Variants in PLEKHA3 observed in about 807,000 individuals in gnomAD.
PLEKHA3 encodes the protein pleckstrin homology domain containing A3.
Under a neutral mutation model 39.2 loss-of-function variants are expected in PLEKHA3, and 19 were observed. That is an observed-to-expected ratio of 0.48 (90% confidence interval 0.34 to 0.71). The LOEUF (loss-of-function observed/expected upper bound fraction) is 0.71, where lower values mean the gene tolerates loss of function less well. Among genes scored for constraint, PLEKHA3 ranks in the 30% least tolerant of loss-of-function variants. PLEKHA3 has a pLI of 0.01. For synonymous variants in PLEKHA3, 97 were observed against 118.6 expected (o/e 0.82, Z 1.18); for missense variants, 253 against 359.5 (o/e 0.70, Z 2.40).
intron 2 of PLEKHA3, 140 bp downstream of exon 2, chr2:178,485,897 G>A: frequency 8.7e-6 from 5 of 576,068 alleles, no homozygotes; most frequent in Non-Finnish European, 3.1e-6. Context: ...GTCAGGAGTG[G>A]CATTTCATCA....
chr2:178,482,565 A>C (rs1285161096), intron 1 of PLEKHA3, among the ~76,000 whole-genome samples: 1 of 151,418 alleles, frequency 6.6e-6, no homozygotes, highest in African/African-American at 2.4e-5. Flanking sequence ...AAAAAAAAAA[A>C]AAAAAAGACA....
chr2:178,502,549 A>C (rs1216755585), intron 7 of PLEKHA3: 3 of 178,848 alleles, frequency 1.7e-5, no homozygotes, highest in African/African-American at 4.8e-5. Context: ...TCCAGAGTTC[A>C]TGAAGGAGTT....
At chr2:178,502,323 A>G in intron 7 of PLEKHA3, 1 of 400,424 alleles carries the variant, frequency 2.5e-6, no homozygotes, top group Non-Finnish European at 5.0e-6. Context: ...TAACATTTTG[A>G]ATTTAAATTG....
In PLEKHA3 at chr2:178,506,401, A is replaced by G. The variant is rs1685601048; in HGVS notation, c.*2514A>G. On this transcript the variant is annotated 3_prime_UTR_variant, in exon 8 of 8. Coordinates refer to ENST00000234453, the MANE Select transcript of PLEKHA3 (RefSeq NM_019091.4). ...ATACAATTCTTTTATAAATGAGCTG[A>G]ATTTGAATTTTCTTACATCATATGG... 1.3e-5 allele frequency: 2 copies of G among 152,170 alleles called. No individual in the cohort carries two copies. Among genetic ancestry groups the G allele is most frequent in the African/African-American group, 4.8e-5 (2 of 41,446 alleles). The allele number at this position is 152,170 out of a possible 1,614,324, so 9.4% of individuals were successfully genotyped here.
At chr2:178,501,032 C>T (rs747696576) in intron 6 of PLEKHA3, 29 bp from the exon 7 acceptor site, 26 of 1,464,940 alleles carry the variant, frequency 1.8e-5, no homozygotes, top group Middle Eastern at 1.8e-4. Flanking sequence ...TAAGGCCTTA[C>T]AATTTAATGC....
intron 5 of PLEKHA3, among the ~76,000 whole-genome samples, chr2:178,496,076 T>C (rs753161286): frequency 8.5e-5 from 13 of 152,222 alleles, no homozygotes; most frequent in Non-Finnish European, 1.3e-4. Context: ...TTGAAACATA[T>C]TCCGGTGGGA....
intron 2 of PLEKHA3, among the ~76,000 whole-genome samples, chr2:178,489,314 C>G (rs1472563692): frequency 6.6e-6 from 1 of 152,168 alleles, no homozygotes; most frequent in African/African-American, 2.4e-5. Flanking sequence ...CCATAATACA[C>G]TAAACATCTG....
At position 178,510,328 on chromosome 2, in the gene PLEKHA3, T is replaced by C. The variant is rs1362489422; in HGVS notation, c.*6441T>C. The C allele has an allele frequency of 6.5e-6, 1 of 153,796 alleles. No individual in the cohort carries two copies. Among genetic ancestry groups the C allele is most frequent in the Non-Finnish European group, 1.5e-5 (1 of 68,044 alleles). 9.5% of individuals were successfully genotyped at this position (153,796 alleles called of 1,614,324 possible). ...ATTTTGATGTGCTTTTAAGCTTTAT[T>C]GGTATTATATTTTGTTTTTATCATA... On this transcript the variant is annotated 3_prime_UTR_variant, in exon 8 of 8. Coordinates refer to ENST00000234453, the MANE Select transcript of PLEKHA3 (RefSeq NM_019091.4).
chr2:178,496,639 A>G (rs1270669395), intron 5 of PLEKHA3, among the ~76,000 whole-genome samples: 2 of 152,180 alleles, frequency 1.3e-5, no homozygotes, highest in Non-Finnish European at 2.9e-5. Context: ...TGGCCAGATT[A>G]ATTTGGGAAT....
Position 178,485,719 on chromosome 2 carries a change from G to A in PLEKHA3, c.119G>A (p.Ser40Asn). The A allele has an allele frequency of 6.2e-7, 1 of 1,613,702 alleles. No homozygotes were observed. The highest frequency in any genetic ancestry group is 8.5e-7 in the Non-Finnish European group (1 of 1,179,730). Residue 40 changes from serine (S) to asparagine (N), a missense_variant, in exon 2 of 8, where the codon AGC becomes AAC. Physicochemically the swap from Ser to Asn is conservative, Grantham distance 46. Around this residue, in one of 2 missense-constraint regions of PLEKHA3, gnomAD observed 126 missense variants for 222.7 expected, o/e 0.57. Transcript: ENST00000234453. ...YDSQDDVCKG[S>N]KGSIKMAVCE... ...TCACAAGATGATGTTTGCAAAGGGAGCAAAGGAAGCATAAAGATGGCAGTT... is the reference window on the plus strand; with the variant it reads ...TCACAAGATGATGTTTGCAAAGGGAACAAAGGAAGCATAAAGATGGCAGTT...
At position 178,505,248 on chromosome 2, in the gene PLEKHA3, A is replaced by G. The variant is rs1685586606; in HGVS notation, c.*1361A>G. 1 of 151,946 alleles carries G rather than the reference A, an allele frequency of 6.6e-6. No individual in the cohort carries two copies. Among genetic ancestry groups the G allele is most frequent in the African/African-American group, 2.4e-5 (1 of 41,388 alleles). The allele number at this position is 151,946 out of a possible 1,614,324, so 9.4% of individuals were successfully genotyped here. Reference sequence around the variant, plus strand: ...GACCTATTTCATTTTATTTCAATTTATCTTGTAAGTTTATGTGGGATATTT... The same window carrying G: ...GACCTATTTCATTTTATTTCAATTTGTCTTGTAAGTTTATGTGGGATATTT... On this transcript the variant is annotated 3_prime_UTR_variant, in exon 8 of 8. Coordinates refer to ENST00000234453, the MANE Select transcript of PLEKHA3 (RefSeq NM_019091.4).
intron 1 of PLEKHA3, 55 bp downstream of exon 1, chr2:178,480,964 G>T: frequency 7.7e-7 from 1 of 1,292,562 alleles, no homozygotes; most frequent in Non-Finnish European, 1.0e-6. Flanking sequence ...CTGCTGAGAA[G>T]GCGGGTCGGG....
chr2:178,486,177 T>G (rs1685248127), intron 2 of PLEKHA3, among the ~76,000 whole-genome samples: 1 of 152,208 alleles, frequency 6.6e-6, no homozygotes, highest in South Asian at 2.1e-4. Flanking sequence ...AGTCATAAAC[T>G]CTGGTTCTTT....
rs1685570648 is a variant in PLEKHA3, at chr2:178,504,038, T to C, written c.*151T>C. ...AAACAAGAAAACAAACCACATACTT[T>C]TGAAGTGTATTTTATCTTTATATAG... On this transcript the variant is annotated 3_prime_UTR_variant, in exon 8 of 8. Coordinates refer to ENST00000234453, the MANE Select transcript of PLEKHA3 (RefSeq NM_019091.4). 1.3e-6 allele frequency: 1 copy of C among 745,626 alleles called. No homozygotes were observed. The highest frequency in any genetic ancestry group is 2.1e-6 in the Non-Finnish European group (1 of 485,160). 46.2% of individuals were successfully genotyped at this position (745,626 alleles called of 1,614,324 possible).
At chr2:178,491,317 C>T (rs186497588) in intron 3 of PLEKHA3, among the ~76,000 whole-genome samples, 70 of 152,212 alleles carry the variant, frequency 4.6e-4, no homozygotes, top group African/African-American at 1.6e-3. Flanking sequence ...AGCCTAAACT[C>T]GTGCTTTCAC....
chr2:178,490,792 T>A lies in PLEKHA3; in HGVS notation c.291T>A (p.Asp97Glu). 1 of 1,610,376 alleles carries A rather than the reference T, an allele frequency of 6.2e-7. No homozygotes were observed. The highest frequency in any genetic ancestry group is 8.5e-7 in the Non-Finnish European group (1 of 1,178,892). The change falls in exon 3 of 8, where the codon GAT (aspartate) becomes GAA (glutamate). Residue 97 changes from aspartate to glutamate, a missense_variant. By Grantham distance (45) the Asp-to-Glu change is conservative. Transcript: ENST00000234453. ...GGAGCTCCAAAGCATGTTTGACTGA[T>A]ACAAGGACTAAAAAAGAAAAAGGTA... The part of the protein sequence containing the change: ...ALGSSKACLT[D>E]TRTKKEKEIS...
chr2:178,505,955 G>T lies in PLEKHA3; in HGVS notation c.*2068G>T, dbSNP rs1180664886. ...CTGTGAAATCATTTTTTTTGTGGGA[G>T]TATAAATATATCTTGAATTATATCC... On this transcript the variant is annotated 3_prime_UTR_variant, in exon 8 of 8. Transcript: ENST00000234453. The T allele has an allele frequency of 1.3e-5, 2 of 151,956 alleles. No individual in the cohort carries two copies. Among genetic ancestry groups the T allele is most frequent in the African/African-American group, 4.8e-5 (2 of 41,394 alleles). 9.4% of individuals were successfully genotyped at this position (151,956 alleles called of 1,614,324 possible).
rs1355343823 is a variant in PLEKHA3 at position 178,514,429 on chromosome 2, C to T, written c.*10542C>T. ...GCTAGATTATATATATCTTTACTCA[C>T]AATAAGCAAAGTTGAACAACTTAAA... On this transcript the variant is annotated 3_prime_UTR_variant, in exon 8 of 8. Coordinates refer to ENST00000234453, the MANE Select transcript of PLEKHA3 (RefSeq NM_019091.4). The T allele has an allele frequency of 6.6e-6, 1 of 152,042 alleles. No individual in the cohort carries two copies. The highest frequency in any genetic ancestry group is 1.5e-5 in the Non-Finnish European group (1 of 68,010). 9.4% of individuals were successfully genotyped at this position (152,042 alleles called of 1,614,324 possible). A position where few individuals can be genotyped will look rare whatever the true frequency, so the allele number is the denominator to read the frequency against.
Position 178,508,287 on chromosome 2 carries a change from T to C in PLEKHA3, c.*4400T>C, listed in dbSNP as rs892733090. ...TTCTGTTGAATTTTCTTTATATATA[T>C]ATTTTAATTTCTAAGAGGTCTTTTT... On this transcript the variant is annotated 3_prime_UTR_variant, in exon 8 of 8. Transcript: ENST00000234453. The C allele has an allele frequency of 1.3e-5, 2 of 152,344 alleles. No homozygotes were observed. The highest frequency in any genetic ancestry group is 4.8e-5 in the African/African-American group (2 of 41,412). 9.4% of individuals were successfully genotyped at this position (152,344 alleles called of 1,614,324 possible).
Sources: gnomAD v4.1 joint callset for allele counts (sites outside exome capture counted in the v4.1 genomes callset) on GRCh38, gnomAD v4.1.1 for gene constraint, gnomAD v4.1.1 regional missense constraint, MANE v1.5 for transcripts, NCBI Gene and HGNC (gene_info 2026-07-23, HGNC 2026-07-21) for gene names.